The following NXNL2 variants were observed in gnomAD, a reference collection of about 807,000 sequenced individuals.
NXNL2 encodes the protein nucleoredoxin-like protein 2.
A neutral mutation model predicts 11.1 loss-of-function variants in NXNL2; 7 were observed. The observed-to-expected ratio is 0.63, with a 90% CI of 0.36 to 1.18. The LOEUF is 1.18. NXNL2 is among the 50% of genes most tolerant of loss of function. The pLI, the probability that NXNL2 is intolerant of heterozygous loss-of-function variation, is 0.02. For missense variants in NXNL2, 233 were observed against 217.7 expected (o/e 1.07, Z -0.44); for synonymous variants, 109 against 101.8 (o/e 1.07, Z -0.42).
At chr9:88,553,764 CT>C (rs1437669251) in intron 1 of NXNL2, among the ~76,000 whole-genome samples, 1 of 152,078 alleles carries the variant, frequency 6.6e-6, no homozygotes, top group African/African-American at 2.4e-5. Context: ...GGAATAAATC[CT>C]CAAGATTAAA....
At chr9:88,564,300 TC>T (rs201873459) in intron 1 of NXNL2, among the ~76,000 whole-genome samples, 34 of 143,396 alleles carry the variant, frequency 2.4e-4, no homozygotes, top group African/African-American at 8.9e-4. Context: ...TATCTATCTA[TC>T]TATCTATCTA....
intron 2 of NXNL2, among the ~76,000 whole-genome samples, chr9:88,574,471 G>A (rs531591392): frequency 6.6e-6 from 1 of 152,324 alleles, no homozygotes; most frequent in Non-Finnish European, 1.5e-5. Context: ...GTCCAGAAAG[G>A]AGGGACAACT....
At chr9:88,579,439 C>T (rs910499652), downstream of NXNL2, among the ~76,000 whole-genome samples, 5 of 152,164 alleles carry the variant, frequency 3.3e-5, no homozygotes, top group Admixed American at 6.5e-5. Flanking sequence ...GGACAGACTC[C>T]CTCCTGGCAG....
chr9:88,564,303 A>G (rs868019132), intron 1 of NXNL2, among the ~76,000 whole-genome samples: 2 of 150,164 alleles, frequency 1.3e-5, no homozygotes, highest in African/African-American at 2.5e-5. Context: ...CTATCTATCT[A>G]TCTATCTATC....
In NXNL2 at chr9:88,535,347, G is replaced by T; in HGVS notation, c.-88G>T. On this transcript the variant is annotated 5_prime_UTR_variant, in exon 1 of 2. Transcript: ENST00000375854. ...GCGCCCGGTGGTGCGGACAGAGGCG[G>T]GGCACCGCGGCGCTCGCCGCCGCCT... 7.5e-7 allele frequency: 1 copy of T among 1,329,946 alleles called. No individual in the cohort carries two copies. Among genetic ancestry groups the T allele is most frequent in the East Asian group, 2.5e-5 (1 of 39,686 alleles). 82.4% of individuals were successfully genotyped at this position (1,329,946 alleles called of 1,614,324 possible).
chr9:88,536,551 C>A (rs73652583), intron 1 of NXNL2, among the ~76,000 whole-genome samples: 3,569 of 151,838 alleles, frequency 0.024, 133 homozygotes, highest in African/African-American at 0.082. Context: ...CCTGGCCACC[C>A]CCTTCTAGGT....
chr9:88,539,558 A>G (rs1049943152), intron 1 of NXNL2, among the ~76,000 whole-genome samples: 2 of 152,164 alleles, frequency 1.3e-5, no homozygotes, highest in Admixed American at 6.5e-5. Flanking sequence ...TGCCCAAAGT[A>G]CAGATGCTAA....
chr9:88,563,567 A>G (rs1380460321), intron 1 of NXNL2, among the ~76,000 whole-genome samples: 2 of 151,984 alleles, frequency 1.3e-5, no homozygotes, highest in African/African-American at 4.8e-5. Flanking sequence ...GACTCCCTAT[A>G]TTGCTTTGCC....
intron 1 of NXNL2, among the ~76,000 whole-genome samples, chr9:88,552,471 ATGTT>A (rs1564070720): frequency 3.1e-5 from 4 of 129,956 alleles, no homozygotes; most frequent in South Asian, 2.5e-4. Context: ...TTAAACATGC[ATGTT>A]TTTTTTTTTT....
intron 1 of NXNL2, among the ~76,000 whole-genome samples, chr9:88,554,965 A>G (rs1829990301): frequency 6.6e-6 from 1 of 151,968 alleles, no homozygotes; most frequent in African/African-American, 2.4e-5. Flanking sequence ...GAGAGACCAG[A>G]TACCAGATCT....
intron 1 of NXNL2, among the ~76,000 whole-genome samples, chr9:88,542,266 G>A (rs969310377): frequency 2.6e-5 from 4 of 151,380 alleles, no homozygotes; most frequent in Non-Finnish European, 5.9e-5. Context: ...AAAAACAAAC[G>A]AACGAACAAA....
In NXNL2 at chr9:88,556,497, AG is replaced by A. The variant is rs1830012531; in HGVS notation, c.303-14586del. ...GTAGTCCCAACATGTAGCTGAGTCC[AG>A]GGGTTTCATGGGCTCAGAATGGGGG... On this transcript the variant is annotated intron_variant, in intron 1 of 2. Coordinates refer to the NXNL2 transcript ENST00000375855. 4.6e-5 allele frequency among the ~76,000 whole-genome samples: 7 copies of A among 152,288 alleles called. No homozygotes were observed. The South Asian group carries it at 1.5e-3, about 32-fold the overall frequency.
At chr9:88,548,005 G>A (rs1414880634), downstream of NXNL2, among the ~76,000 whole-genome samples, 2 of 138,560 alleles carry the variant, frequency 1.4e-5, no homozygotes, top group Admixed American at 7.4e-5. Context: ...AACAAAGAGC[G>A]AAACTCCATC....
intron 1 of NXNL2, among the ~76,000 whole-genome samples, chr9:88,559,453 A>T (rs1830059225): frequency 6.6e-6 from 1 of 152,178 alleles, no homozygotes. Context: ...ATGACCAGCC[A>T]GCATCTGGTA....
intron 1 of NXNL2, among the ~76,000 whole-genome samples, chr9:88,554,783 C>T (rs187494052): frequency 2.6e-5 from 4 of 152,212 alleles, no homozygotes; most frequent in East Asian, 1.9e-4. Context: ...CCTCTTTTTC[C>T]GACCTCTCTC....
At position 88,535,385 on chromosome 9, in the gene NXNL2, T is replaced by G. The variant is rs1412250586; in HGVS notation, c.-50T>G. ...CTCGCCGCCGCCTCCCCGCAGGTGA[T>G]CATCCTCCTGCAGGTGTCCTCGGGT... On this transcript the variant is annotated 5_prime_UTR_variant, in exon 1 of 2. Transcript: ENST00000375854. The G allele has an allele frequency of 6.7e-7, 1 of 1,489,958 alleles. No individual in the cohort carries two copies. The highest frequency in any genetic ancestry group is 2.3e-5 in the East Asian group (1 of 42,966). The allele number at this position is 1,489,958 out of a possible 1,614,324, so 92.3% of individuals were successfully genotyped here.
chr9:88,535,672 C>A lies in NXNL2; in HGVS notation c.238C>A (p.Leu80Met), dbSNP rs910257051. ...VSADGSSQEM[L>M]DFMRELHGAW... ...AGCCGACGGCAGCTCCCAGGAGATG[C>A]TGGACTTCATGCGCGAGCTGCATGG... The change falls in exon 1 of 2, where the codon CTG becomes ATG. Residue 80 changes from leucine (L) to methionine (M), a missense_variant. Physicochemically the swap from Leu to Met is conservative, Grantham distance 15 (BLOSUM62 2). Transcript: ENST00000375854. 1.2e-6 allele frequency: 2 copies of A among 1,606,448 alleles called. No homozygotes were observed. Among genetic ancestry groups the A allele is most frequent in the Non-Finnish European group, 1.7e-6 (2 of 1,178,632 alleles).
intron 2 of NXNL2, among the ~76,000 whole-genome samples, chr9:88,573,006 A>G (rs1359498297): frequency 1.3e-5 from 2 of 152,328 alleles, no homozygotes; most frequent in East Asian, 3.9e-4. Flanking sequence ...GCTCAATCCC[A>G]TTAATGTGTC....
chr9:88,541,475 T>G (rs1425116901), intron 1 of NXNL2, among the ~76,000 whole-genome samples: 3 of 152,174 alleles, frequency 2.0e-5, no homozygotes, highest in Non-Finnish European at 4.4e-5. Context: ...CACCCAGGGA[T>G]GTCTTGAACT....
Sources: gnomAD v4.1 joint callset for allele counts (sites outside exome capture counted in the v4.1 genomes callset) on GRCh38, gnomAD v4.1.1 for gene constraint, MANE v1.5 for transcripts, NCBI Gene and HGNC (gene_info 2026-07-23, HGNC 2026-07-21) for gene names.